TMX4: variants seen among roughly 807,000 people sequenced by gnomAD.
TMX4 encodes thioredoxin-related transmembrane protein 4.
In TMX4, 23 loss-of-function variants were observed where a neutral mutation model predicts 33.3. The observed-to-expected ratio is 0.69, with a 90% CI of 0.50 to 0.98. TMX4 has a LOEUF of 0.98. Among genes scored for constraint, TMX4 ranks in the 50% least tolerant of loss-of-function variants. The pLI is 0.00. For missense variants in TMX4, 399 were observed against 448.9 expected (o/e 0.89, Z 1.01); for synonymous variants, 164 against 161.5 (o/e 1.02, Z -0.12).
At chr20:8,018,481 G>GAGA (rs2050791863) in intron 1 of TMX4, among the ~76,000 whole-genome samples, 1 of 13,710 alleles carries the variant, frequency 7.3e-5, no homozygotes, top group Non-Finnish European at 1.2e-4. Context: ...GGAGGGAGGG[G>GAGA]GAGAGAGAGA....
At chr20:8,004,147 T>C (rs2050718217) in intron 2 of TMX4, among the ~76,000 whole-genome samples, 1 of 151,206 alleles carries the variant, frequency 6.6e-6, no homozygotes, top group Admixed American at 6.6e-5. Flanking sequence ...AAGTAACTTC[T>C]GGGAGGCTAA....
chr20:7,977,558 T>C lies in TMX4; in HGVS notation c.*4693A>G, dbSNP rs2050585318. The C allele has an allele frequency of 6.6e-6, 1 of 152,218 alleles. No homozygotes were observed. Among genetic ancestry groups the C allele is most frequent in the South Asian group, 2.1e-4 (1 of 4,830 alleles). The allele number at this position is 152,218 out of a possible 1,614,324, so 9.4% of individuals were successfully genotyped here. On this transcript the variant is annotated 3_prime_UTR_variant, in exon 8 of 8. Transcript: ENST00000246024. ...TATATACAATACTGTGATCAAGTGATTTGTGATTCAGGCAATGTACTACTT... is the reference window on the plus strand; with the variant it reads ...TATATACAATACTGTGATCAAGTGACTTGTGATTCAGGCAATGTACTACTT...
In TMX4 at chr20:8,019,631, G is replaced by A; in HGVS notation, c.-18C>T. ...CCCGCCATGTTGGGCGCCGAGCGAG[G>A]CTTCTCGGCGGGGAGTGTGGGGAAG... is the stretch of plus-strand genomic sequence containing the variant. On this transcript the variant is annotated 5_prime_UTR_variant, in exon 1 of 8. Coordinates refer to ENST00000246024, the MANE Select transcript of TMX4 (RefSeq NM_021156.4). 7.5e-7 allele frequency: 1 copy of A among 1,330,850 alleles called. No homozygotes were observed. Among genetic ancestry groups the A allele is most frequent in the Non-Finnish European group, 9.6e-7 (1 of 1,040,446 alleles). The allele number at this position is 1,330,850 out of a possible 1,614,324, so 82.4% of individuals were successfully genotyped here. A position where few individuals can be genotyped will look rare whatever the true frequency, so the allele number is the denominator to read the frequency against.
At position 7,980,806 on chromosome 20, in the gene TMX4, C is replaced by G. The variant is rs550445733; in HGVS notation, c.*1445G>C. 1.3e-5 allele frequency: 2 copies of G among 152,298 alleles called. No individual in the cohort carries two copies. Among genetic ancestry groups the G allele is most frequent in the East Asian group, 3.9e-4 (2 of 5,182 alleles). The allele number at this position is 152,298 out of a possible 1,614,324, so 9.4% of individuals were successfully genotyped here. A position where few individuals can be genotyped will look rare whatever the true frequency, so the allele number is the denominator to read the frequency against. On this transcript the variant is annotated 3_prime_UTR_variant, in exon 8 of 8. Transcript: ENST00000246024. ...AGGGCAGAGAGTTTCAGAACCTCCC[C>G]CACCAGTGAGCTCCGTGCTCACAAT...
rs1459755260 is a variant in TMX4, at chr20:8,015,587, A to G, written c.176+3851T>C. 3.3e-5 allele frequency among the ~76,000 whole-genome samples: 5 copies of G among 152,328 alleles called. No individual in the cohort carries two copies. In the East Asian group the frequency reaches 9.7e-4, roughly 29 times the overall value. ...AAGGCTCATTCTTCTTCACCTTCCC[A>G]GCTCCCCAACACTGAACCTGACACA... is the stretch of plus-strand genomic sequence containing the variant. On this transcript the variant is annotated intron_variant, in intron 1 of 7. Coordinates refer to ENST00000246024, the MANE Select transcript of TMX4 (RefSeq NM_021156.4).
At chr20:7,987,233 G>T in intron 6 of TMX4, 55 bp downstream of exon 6, 2 of 1,205,036 alleles carry the variant, frequency 1.7e-6, no homozygotes, top group Non-Finnish European at 2.4e-6. Flanking sequence ...CCTTTTATTT[G>T]TACATGAAAT....
At chr20:8,007,395 C>A (rs1010383821) in intron 2 of TMX4, among the ~76,000 whole-genome samples, 4 of 152,222 alleles carry the variant, frequency 2.6e-5, no homozygotes, top group African/African-American at 9.6e-5. Context: ...CAACTCTGGA[C>A]TACTGATTTA....
intron 1 of TMX4, among the ~76,000 whole-genome samples, chr20:8,013,365 T>C (rs1305526916): frequency 1.3e-5 from 2 of 152,232 alleles, no homozygotes; most frequent in African/African-American, 2.4e-5. Flanking sequence ...CTGTAAATTG[T>C]TATCTTTTCT....
chr20:8,002,677 G>A (rs1049246395), intron 2 of TMX4, among the ~76,000 whole-genome samples: 16 of 152,036 alleles, frequency 1.1e-4, no homozygotes, highest in African/African-American at 3.9e-4. Context: ...ACATCCCTGT[G>A]GTAACTTGCA....
chr20:8,017,558 A>T (rs1403435723), intron 1 of TMX4, among the ~76,000 whole-genome samples: 2 of 152,258 alleles, frequency 1.3e-5, no homozygotes, highest in African/African-American at 4.8e-5. Flanking sequence ...TTACCAAAAA[A>T]AAAGCAATTC....
At position 7,981,932 on chromosome 20, in the gene TMX4, C is replaced by T; in HGVS notation, c.*319G>A. 2 of 233,502 alleles carry T rather than the reference C, an allele frequency of 8.6e-6. No homozygotes were observed. The highest frequency in any genetic ancestry group is 1.5e-3 in the Middle Eastern group (1 of 670). The allele number at this position is 233,502 out of a possible 1,614,324, so 14.5% of individuals were successfully genotyped here. On this transcript the variant is annotated 3_prime_UTR_variant, in exon 8 of 8. Coordinates refer to ENST00000246024, the MANE Select transcript of TMX4 (RefSeq NM_021156.4). ...CATTTCACAGGGCCTGCAGCCTTGT[C>T]TCTGGAAGGTGCTGATTAGGACTGG... is the stretch of plus-strand genomic sequence containing the variant.
At position 8,019,439 on chromosome 20, in the gene TMX4, A is replaced by G. The variant is rs746626787; in HGVS notation, c.175T>C (p.Phe59Leu). The change falls in exon 1 of 8, where the codon TTT becomes CTT. Residue 59 changes from phenylalanine (F) to leucine (L), a missense_variant and splice_region_variant. By Grantham distance (22) the Phe-to-Leu change is conservative. Coordinates refer to ENST00000246024, the MANE Select transcript of TMX4 (RefSeq NM_021156.4). ...LVMEGEWMLKFYAPWCPSCQQ... is the reference protein window; with the variant it reads ...LVMEGEWMLKLYAPWCPSCQQ... ...TCCGGGGCGGGCGGGCACACTCACA[A>G]TTTCAGCATCCACTCGCCCTCCATC... 6 of 1,516,562 alleles carry G rather than the reference A, an allele frequency of 4.0e-6. No individual in the cohort carries two copies. Among genetic ancestry groups the G allele is most frequent in the South Asian group, 1.2e-5 (1 of 81,630 alleles). 93.9% of individuals were successfully genotyped at this position (1,516,562 alleles called of 1,614,324 possible).
Position 7,982,630 on chromosome 20 carries a change from G to A in TMX4, c.680-9C>T, listed in dbSNP as rs769325114. 6 of 1,599,760 alleles carry A rather than the reference G, an allele frequency of 3.8e-6. No individual in the cohort carries two copies. Among genetic ancestry groups the A allele is most frequent in the Non-Finnish European group, 5.1e-6 (6 of 1,174,834 alleles). On this transcript the variant is annotated splice_polypyrimidine_tract_variant and intron_variant, in intron 7 of 7. Coordinates refer to ENST00000246024, the MANE Select transcript of TMX4 (RefSeq NM_021156.4). ...TGATCTCCGATTCTGCTCTATGGAGGGAAGAAAGAGGAATATCCTCTGAAT... is the reference window on the plus strand; with the variant it reads ...TGATCTCCGATTCTGCTCTATGGAGAGAAGAAAGAGGAATATCCTCTGAAT...
intron 2 of TMX4, among the ~76,000 whole-genome samples, chr20:8,006,327 T>C (rs1271610394): frequency 6.6e-6 from 1 of 152,210 alleles, no homozygotes; most frequent in Non-Finnish European, 1.5e-5. Flanking sequence ...ATGGAAGAGT[T>C]ATAAGAATAA....
chr20:8,019,748 G>A lies in TMX4; in HGVS notation c.-135C>T. ...CACCCCGCCTACGCCTAGCGGCGCAGACTGGCGGTGCTCGCAATGCCGCGG... is the reference window on the plus strand; with the variant it reads ...CACCCCGCCTACGCCTAGCGGCGCAAACTGGCGGTGCTCGCAATGCCGCGG... On this transcript the variant is annotated 5_prime_UTR_variant, in exon 1 of 8. Transcript: ENST00000246024. 2 of 735,346 alleles carry A rather than the reference G, an allele frequency of 2.7e-6. No individual in the cohort carries two copies. The highest frequency in any genetic ancestry group is 3.8e-6 in the Non-Finnish European group (2 of 529,980). 45.6% of individuals were successfully genotyped at this position (735,346 alleles called of 1,614,324 possible). A position where few individuals can be genotyped will look rare whatever the true frequency, so the allele number is the denominator to read the frequency against.
intron 1 of TMX4, among the ~76,000 whole-genome samples, chr20:8,018,481 G>GGA (rs1156723197): frequency 0.016 from 223 of 13,722 alleles, 51 homozygotes; most frequent in Admixed American, 0.022. Flanking sequence ...GGAGGGAGGG[G>GGA]GAGAGAGAGA....
At position 7,995,976 on chromosome 20, in the gene TMX4, T is replaced by G. The variant is rs997899526; in HGVS notation, c.513+50A>C. Reference sequence around the variant, plus strand: ...TTCCTATTGCTTAAAAGCTGTATTTTTATTCTTAACCTCTCTGCAAATATA... The same window carrying G: ...TTCCTATTGCTTAAAAGCTGTATTTGTATTCTTAACCTCTCTGCAAATATA... On this transcript the variant is annotated intron_variant, in intron 5 of 7. Coordinates refer to ENST00000246024, the MANE Select transcript of TMX4 (RefSeq NM_021156.4). 7.0e-6 allele frequency: 10 copies of G among 1,420,142 alleles called. No homozygotes were observed. In the African/African-American group the frequency reaches 1.0e-4, roughly 14 times the overall value. The allele number at this position is 1,420,142 out of a possible 1,614,324, so 88.0% of individuals were successfully genotyped here.
At chr20:8,007,433 C>G (rs1316549172) in intron 2 of TMX4, among the ~76,000 whole-genome samples, 1 of 152,184 alleles carries the variant, frequency 6.6e-6, no homozygotes, top group Non-Finnish European at 1.5e-5. Flanking sequence ...CTGCTTTCTT[C>G]TGATCCCCTG....
At chr20:8,018,671 G>A (rs969650322) in intron 1 of TMX4, 2 of 168,778 alleles carry the variant, frequency 1.2e-5, no homozygotes, top group African/African-American at 4.8e-5. Context: ...ACTCAAAACT[G>A]TAGTTTCCCA....
Sources: gnomAD v4.1 joint callset for allele counts (sites outside exome capture counted in the v4.1 genomes callset) on GRCh38, gnomAD v4.1.1 for gene constraint, MANE v1.5 for transcripts, NCBI Gene and HGNC (gene_info 2026-07-23, HGNC 2026-07-21) for gene names.